Variants in MEGF10 observed in about 807,000 individuals in gnomAD.
The protein encoded by MEGF10 is multiple EGF like domains 10.
A neutral mutation model predicts 147.5 loss-of-function variants in MEGF10; 86 were observed. The ratio of observed to expected loss-of-function variants is 0.58; its 90% confidence interval spans 0.49 to 0.70. The LOEUF (loss-of-function observed/expected upper bound fraction) is 0.70, where lower values mean the gene tolerates loss of function less well. Ranked by LOEUF, MEGF10 falls within the 30% of genes least tolerant of loss-of-function variation. MEGF10 has a pLI of 0.00. For missense variants in MEGF10, 1,329 were observed against 1,487.3 expected, an observed-to-expected ratio of 0.89 and a Z score of 1.75; for synonymous variants, 478 against 525.5, an observed-to-expected ratio of 0.91 and a Z score of 1.24.
intron 1 of MEGF10, among the ~76,000 whole-genome samples, chr5:127,326,702 G>A (rs565155307): frequency 1.3e-5 from 2 of 152,288 alleles, no homozygotes; most frequent in Admixed American, 6.5e-5. Flanking sequence ...GGAGTGGTCA[G>A]GTGAAATGGA....
chr5:127,401,705 G>T (rs867399667), intron 7 of MEGF10, among the ~76,000 whole-genome samples: 1 of 152,180 alleles, frequency 6.6e-6, no homozygotes, highest in African/African-American at 2.4e-5. Flanking sequence ...GAGAAGCTAT[G>T]AGCCCAAGTG....
At chr5:127,426,648 CAATG>C (rs1219015830) in intron 13 of MEGF10, among the ~76,000 whole-genome samples, 3 of 152,114 alleles carry the variant, frequency 2.0e-5, no homozygotes, top group Non-Finnish European at 4.4e-5. Context: ...TTTCAGATGT[CAATG>C]AAATATAATT....
the MEGF10 span, among the ~76,000 whole-genome samples, chr5:127,254,025 G>A: frequency 7.9e-5 from 12 of 151,976 alleles, no homozygotes; most frequent in Non-Finnish European, 1.5e-4. Flanking sequence ...GCAATCTACA[G>A]CTTTGCACTT....
chr5:127,384,494 A>G (rs1015273642), intron 5 of MEGF10, among the ~76,000 whole-genome samples: 2 of 152,242 alleles, frequency 1.3e-5, no homozygotes, highest in Admixed American at 6.5e-5. Flanking sequence ...CACCGTGAAT[A>G]GGGTCATCAA....
At chr5:127,301,090 C>T (rs17165082) in intron 1 of MEGF10, among the ~76,000 whole-genome samples, 11,621 of 152,146 alleles carry the variant, frequency 0.076, 782 homozygotes, top group African/African-American at 0.18. Context: ...TGTTTCCCTC[C>T]GATTTCTCTA....
the MEGF10 span, among the ~76,000 whole-genome samples, chr5:127,264,292 G>T: frequency 7.9e-5 from 12 of 152,128 alleles, 1 homozygote; most frequent in Admixed American, 5.2e-4. Context: ...AACAGGCCTA[G>T]GAAGAGGGAA....
the MEGF10 span, among the ~76,000 whole-genome samples, chr5:127,272,581 G>T: frequency 6.6e-6 from 1 of 152,118 alleles, no homozygotes. Context: ...TTTTCCATTT[G>T]TTTCTGTCCT....
chr5:127,252,060 T>A, the MEGF10 span, among the ~76,000 whole-genome samples: 1 of 152,044 alleles, frequency 6.6e-6, no homozygotes, highest in Admixed American at 6.6e-5. Flanking sequence ...ATTAATGTGA[T>A]ACATTTTAAT....
At chr5:127,438,193 G>T (rs1384194804) in intron 16 of MEGF10, among the ~76,000 whole-genome samples, 1 of 152,184 alleles carries the variant, frequency 6.6e-6, no homozygotes, top group East Asian at 1.9e-4. Context: ...AACTTGAGGT[G>T]ATTTTTGCCC....
chr5:127,390,963 A>T (rs1001443250), intron 5 of MEGF10, among the ~76,000 whole-genome samples: 1 of 152,164 alleles, frequency 6.6e-6, no homozygotes, highest in African/African-American at 2.4e-5. Context: ...TCACTATGAG[A>T]GTTAATCTAT....
chr5:127,373,295 G>A (rs577768422), intron 5 of MEGF10, among the ~76,000 whole-genome samples: 4 of 152,216 alleles, frequency 2.6e-5, no homozygotes, highest in Admixed American at 2.0e-4. Flanking sequence ...GGGCTTACAG[G>A]CATGTGCCAC....
intron 5 of MEGF10, among the ~76,000 whole-genome samples, chr5:127,389,869 C>T (rs1763577727): frequency 6.6e-6 from 1 of 152,090 alleles, no homozygotes; most frequent in African/African-American, 2.4e-5. Context: ...GACAAACCCC[C>T]ATGACATGAG....
At chr5:127,286,133 T>C (rs1249108534), upstream of MEGF10, among the ~76,000 whole-genome samples, 1 of 152,046 alleles carries the variant, frequency 6.6e-6, no homozygotes. Flanking sequence ...AGTGAAATAA[T>C]GGATACCAAA....
intron 5 of MEGF10, among the ~76,000 whole-genome samples, chr5:127,394,395 T>C (rs1476934139): frequency 6.6e-6 from 1 of 152,138 alleles, no homozygotes; most frequent in African/African-American, 2.4e-5. Flanking sequence ...GGTGAACTGG[T>C]TTACTATATT....
intron 5 of MEGF10, among the ~76,000 whole-genome samples, chr5:127,394,403 A>G (rs939140419): frequency 1.3e-5 from 2 of 152,196 alleles, no homozygotes; most frequent in Non-Finnish European, 2.9e-5. Flanking sequence ...GGTTTACTAT[A>G]TTGTGAAAAA....
intron 4 of MEGF10, among the ~76,000 whole-genome samples, chr5:127,362,274 A>G (rs1166089642): frequency 6.7e-6 from 1 of 149,558 alleles, no homozygotes; most frequent in African/African-American, 2.5e-5. Flanking sequence ...TTGTTCTGGA[A>G]TCTTCATTTG....
the MEGF10 span, among the ~76,000 whole-genome samples, chr5:127,284,093 TC>T: frequency 6.6e-6 from 1 of 152,190 alleles, no homozygotes; most frequent in African/African-American, 2.4e-5. Flanking sequence ...GTTCTGCTCT[TC>T]CCTTTCTTCC....
At chr5:127,317,285 A>T (rs1165642496) in intron 1 of MEGF10, among the ~76,000 whole-genome samples, 1 of 152,080 alleles carries the variant, frequency 6.6e-6, no homozygotes, top group Non-Finnish European at 1.5e-5. Flanking sequence ...GTCCGCTCTG[A>T]TGGTAGTTTC....
chr5:127,345,866 G>T (rs1017346350), intron 4 of MEGF10, among the ~76,000 whole-genome samples: 1 of 152,030 alleles, frequency 6.6e-6, no homozygotes, highest in Non-Finnish European at 1.5e-5. Flanking sequence ...TTTCCCTTAA[G>T]TCCCCAAAGC....
Sources: gnomAD v4.1 joint callset for allele counts (sites outside exome capture counted in the v4.1 genomes callset) on GRCh38, gnomAD v4.1.1 for gene constraint, MANE v1.5 for transcripts, NCBI Gene and HGNC (gene_info 2026-07-23, HGNC 2026-07-21) for gene names.